TEX264: variants seen among roughly 807,000 people sequenced by gnomAD.
TEX264 encodes the protein testis expressed 264, ER-phagy receptor.
TEX264 carries 13 observed loss-of-function variants against 23.4 expected under a neutral mutation model. That is an observed-to-expected ratio of 0.56 (90% CI 0.36 to 0.88). The LOEUF is 0.88. TEX264 is among the 40% of genes least tolerant of loss of function. TEX264 has a pLI of 0.01. For missense variants in TEX264, 340 were observed against 406.8 expected, an observed-to-expected ratio of 0.84 and a Z score of 1.41; for synonymous variants, 159 against 170.0, an observed-to-expected ratio of 0.94 and a Z score of 0.50.
chr3:51,700,881 G>C (rs1703272051), intron 4 of TEX264, among the ~76,000 whole-genome samples: 1 of 152,022 alleles, frequency 6.6e-6, no homozygotes, highest in Non-Finnish European at 1.5e-5. Context: ...GGCCTGTCCT[G>C]ACACCCCAGC....
In TEX264 at chr3:51,701,322, C is replaced by CT. The variant is rs398062322; in HGVS notation, c.649+1760dup. On this transcript the variant is annotated intron_variant, in intron 4 of 4. Coordinates refer to ENST00000341333, the MANE Select transcript of TEX264 (RefSeq NM_015926.6). ...GATGCTACTTCCCCGTATTGCATTC[C>CT]TTTTTTTTTTTTCTTCTGCGGCAAG... Among the ~76,000 whole-genome samples the CT allele has an allele frequency of 7.8e-3, 1,115 of 143,688 alleles. 15 individuals carry two copies. Among genetic ancestry groups the CT allele is most frequent in the African/African-American group, 0.023 (902 of 39,042 alleles). The allele number at this position is 143,688 out of a possible 152,430, so 94.3% of individuals were successfully genotyped here. A position where few individuals can be genotyped will look rare whatever the true frequency, so the allele number is the denominator to read the frequency against.
chr3:51,674,785 C>T (rs921409470), intron 2 of TEX264, among the ~76,000 whole-genome samples: 2 of 152,218 alleles, frequency 1.3e-5, no homozygotes, highest in African/African-American at 4.8e-5. Flanking sequence ...GTTCCCCTTG[C>T]CCATGGCTAC....
intron 3 of TEX264, among the ~76,000 whole-genome samples, chr3:51,693,328 A>T (rs1458013086): frequency 6.1e-5 from 9 of 148,548 alleles, no homozygotes; most frequent in African/African-American, 2.2e-4. Flanking sequence ...ACACCTTCCC[A>T]CTCCTGCAGT....
Position 51,704,133 on chromosome 3 carries a change from A to G in TEX264, c.*117A>G. The G allele has an allele frequency of 1.0e-6, 1 of 1,002,624 alleles. No individual in the cohort carries two copies. The highest frequency in any genetic ancestry group is 1.3e-6 in the Non-Finnish European group (1 of 757,374). 62.1% of individuals were successfully genotyped at this position (1,002,624 alleles called of 1,614,324 possible). Reference sequence around the variant, plus strand: ...GGAGGAGGGGTTCCTGAGGGACCTGACTTCCCCTGCTCCAGGCCTCTTGCT... The same window carrying G: ...GGAGGAGGGGTTCCTGAGGGACCTGGCTTCCCCTGCTCCAGGCCTCTTGCT... On this transcript the variant is annotated 3_prime_UTR_variant, in exon 5 of 5. Transcript: ENST00000341333.
intron 4 of TEX264, among the ~76,000 whole-genome samples, chr3:51,699,931 G>C (rs1337456059): frequency 6.6e-6 from 1 of 152,176 alleles, no homozygotes; most frequent in African/African-American, 2.4e-5. Context: ...GGAGTCCCTT[G>C]GGTGGGGCTC....
At chr3:51,693,903 T>A (rs1303130411) in intron 3 of TEX264, among the ~76,000 whole-genome samples, 3 of 152,170 alleles carry the variant, frequency 2.0e-5, no homozygotes, top group Admixed American at 6.5e-5. Flanking sequence ...CTGAGTATAG[T>A]TTTCTTACCG....
Position 51,674,435 on chromosome 3 carries a change from G to A in TEX264, c.131G>A (p.Arg44His), listed in dbSNP as rs570400367. ...GTGAGTGCTGGGTCACCCCCCATCCGCAACGTCACTGTGGCCTACAAGTTC... is the reference window on the plus strand; with the variant it reads ...GTGAGTGCTGGGTCACCCCCCATCCACAACGTCACTGTGGCCTACAAGTTC... ...VEVSAGSPPI[R>H]NVTVAYKFHM... Residue 44 changes from arginine (R) to histidine (H), a missense_variant, in exon 2 of 5, where the codon CGC becomes CAC. Coordinates refer to ENST00000341333, the MANE Select transcript of TEX264 (RefSeq NM_015926.6). 38 of 1,614,060 alleles carry A rather than the reference G, an allele frequency of 2.4e-5. No individual in the cohort carries two copies. Among genetic ancestry groups the A allele is most frequent in the Non-Finnish European group, 3.1e-5 (37 of 1,180,040 alleles).
intron 2 of TEX264, chr3:51,681,725 C>T (rs1304146601): frequency 6.6e-6 from 1 of 152,236 alleles, no homozygotes; most frequent in East Asian, 1.9e-4. Flanking sequence ...GGATCTGTCC[C>T]TCCCTCTGCC....
chr3:51,692,345 C>G (rs1702859122), intron 3 of TEX264, among the ~76,000 whole-genome samples: 2 of 152,166 alleles, frequency 1.3e-5, no homozygotes, highest in African/African-American at 2.4e-5. Context: ...CTCCCCCAAG[C>G]AGAACAACTT....
At chr3:51,678,745 G>T (rs993567532) in intron 2 of TEX264, among the ~76,000 whole-genome samples, 5 of 152,194 alleles carry the variant, frequency 3.3e-5, no homozygotes, top group African/African-American at 1.2e-4. Flanking sequence ...ACAGAGGCTG[G>T]TGAGAGTTCT....
rs746307848 is a variant in TEX264 at position 51,703,765 on chromosome 3, G to A, written c.691G>A (p.Val231Met). Residue 231 changes from valine (V) to methionine (M), a missense_variant, in exon 5 of 5, where the codon GTG becomes ATG. Transcript: ENST00000341333. The surrounding 1 kb of genome is among the most constrained non-coding windows in gnomAD (Gnocchi z 4.8). ...TGACACGAGTTCTGTAAGCTTGGAA[G>A]TGAGCCCTGGCAGCCGGGAGACTTC... ...MSDTSSVSLE[V>M]SPGSRETSAA... 1.9e-6 allele frequency: 3 copies of A among 1,606,402 alleles called. No individual in the cohort carries two copies. Among genetic ancestry groups the A allele is most frequent in the Non-Finnish European group, 2.6e-6 (3 of 1,174,110 alleles).
intron 2 of TEX264, among the ~76,000 whole-genome samples, chr3:51,679,239 T>A (rs1702339435): frequency 6.6e-6 from 1 of 151,994 alleles, no homozygotes; most frequent in Non-Finnish European, 1.5e-5. Context: ...TACCTCAGGG[T>A]TTTTGTTTTG....
At chr3:51,677,602 C>G (rs1702274071) in intron 2 of TEX264, among the ~76,000 whole-genome samples, 1 of 152,114 alleles carries the variant, frequency 6.6e-6, no homozygotes, top group Non-Finnish European at 1.5e-5. Context: ...TGCTGCCCAC[C>G]CCATGAGGTG....
In TEX264 at chr3:51,691,024, C is replaced by T. The variant is rs988829649; in HGVS notation, c.480+6390C>T. 4.6e-5 allele frequency among the ~76,000 whole-genome samples: 7 copies of T among 152,210 alleles called. No homozygotes were observed. The highest frequency in any genetic ancestry group is 1.0e-4 in the Non-Finnish European group (7 of 68,036). On this transcript the variant is annotated intron_variant, in intron 3 of 4. Coordinates refer to ENST00000341333, the MANE Select transcript of TEX264 (RefSeq NM_015926.6). This position sits in a 1 kb window ranked among gnomAD's most constrained non-coding sequence, Gnocchi z 4.4. Reference sequence around the variant, plus strand: ...ACTTGTCATCAATTTGGGATATGCTCGGGATGGTGCCCCAGGGTGGGCTTT... The same window carrying T: ...ACTTGTCATCAATTTGGGATATGCTTGGGATGGTGCCCCAGGGTGGGCTTT...
At chr3:51,702,327 C>T (rs1703338709) in intron 4 of TEX264, among the ~76,000 whole-genome samples, 1 of 152,206 alleles carries the variant, frequency 6.6e-6, no homozygotes, top group Non-Finnish European at 1.5e-5. Context: ...CATTCACAGG[C>T]TTCTGTCCTG....
intron 4 of TEX264, among the ~76,000 whole-genome samples, chr3:51,700,928 A>G (rs1276839248): frequency 6.6e-6 from 1 of 152,076 alleles, no homozygotes; most frequent in Non-Finnish European, 1.5e-5. Flanking sequence ...CATGCCACTG[A>G]CACAGCAGTT....
intron 3 of TEX264, among the ~76,000 whole-genome samples, chr3:51,688,835 A>G (rs185196280): frequency 1.3e-5 from 2 of 152,282 alleles, no homozygotes; most frequent in Admixed American, 1.3e-4. Context: ...CAGGGGCTTA[A>G]AGGGGATAAG....
chr3:51,671,525 G>A (rs1702042760), intron 1 of TEX264: 2 of 154,664 alleles, frequency 1.3e-5, no homozygotes, highest in Admixed American at 1.3e-4. Context: ...CACCGGTGCA[G>A]GGCATGCCCC....
rs1036613226 is a variant in TEX264, at chr3:51,693,303, G to A, written c.481-6103G>A. On this transcript the variant is annotated intron_variant, in intron 3 of 4. Transcript: ENST00000341333. Reference sequence around the variant, plus strand: ...TGCCAGGCACAGCACACCGTCTCCCGCCCCATTCTCTCTCACACCTTCCCA... The same window carrying A: ...TGCCAGGCACAGCACACCGTCTCCCACCCCATTCTCTCTCACACCTTCCCA... 1.3e-3 allele frequency among the ~76,000 whole-genome samples: 203 copies of A among 152,120 alleles called. 2 individuals are homozygous for A. Among genetic ancestry groups the A allele is most frequent in the Non-Finnish European group, 1.9e-4 (13 of 67,972 alleles).
Sources: gnomAD v4.1 joint callset for allele counts (sites outside exome capture counted in the v4.1 genomes callset) on GRCh38, gnomAD v4.1.1 for gene constraint, Gnocchi (gnomAD v3.1) non-coding constraint, MANE v1.5 for transcripts, NCBI Gene and HGNC (gene_info 2026-07-23, HGNC 2026-07-21) for gene names.